EIF4G3: variants seen among roughly 807,000 people sequenced by gnomAD.
EIF4G3 encodes the protein eukaryotic translation initiation factor 4 gamma 3.
In EIF4G3, 34 loss-of-function variants were observed where a neutral mutation model predicts 186.4. The observed-to-expected ratio is 0.18, with a 90% CI of 0.14 to 0.24. The LOEUF (loss-of-function observed/expected upper bound fraction) is 0.24, where lower values mean the gene tolerates loss of function less well. EIF4G3 is among the 10% of genes least tolerant of loss of function. The probability of loss-of-function intolerance (pLI) is 1.00; values close to 1 mark genes in which losing one functional copy is unlikely to be tolerated. For synonymous variants in EIF4G3, 673 were observed against 679.5 expected, an observed-to-expected ratio of 0.99 and a Z score of 0.15; for missense variants, 1,536 against 1,948.5, an observed-to-expected ratio of 0.79 and a Z score of 3.99.
At chr1:21,006,803 T>TG (rs1213215806) in intron 4 of EIF4G3, among the ~76,000 whole-genome samples, 16 of 152,230 alleles carry the variant, frequency 1.1e-4, no homozygotes, top group African/African-American at 3.9e-4. Flanking sequence ...CCAGATGTGA[T>TG]GGTTTTCAAA....
chr1:21,134,874 GTTTT>G (rs34553393), intron 2 of EIF4G3, among the ~76,000 whole-genome samples: 1 of 149,766 alleles, frequency 6.7e-6, no homozygotes, highest in African/African-American at 2.5e-5. Flanking sequence ...ACTATGCAGT[GTTTT>G]TTTTTTGTTT....
intron 13 of EIF4G3, among the ~76,000 whole-genome samples, chr1:20,943,968 TTTTTTTTGTG>T (rs1479781101): frequency 6.7e-4 from 8 of 11,948 alleles, no homozygotes; most frequent in East Asian, 9.9e-4. Flanking sequence ...CTTGTCTTTA[TTTTTTTTGTG>T]TGTGTGTGTG....
intron 24 of EIF4G3, among the ~76,000 whole-genome samples, chr1:20,858,640 AAG>A (rs753787153): frequency 8.5e-5 from 13 of 152,230 alleles, no homozygotes; most frequent in Admixed American, 5.2e-4. Flanking sequence ...CCTCTACCAT[AAG>A]ATGTAAGCCG....
chr1:21,121,216 C>G (rs1483695865), intron 2 of EIF4G3, among the ~76,000 whole-genome samples: 1 of 152,058 alleles, frequency 6.6e-6, no homozygotes, highest in African/African-American at 2.4e-5. Flanking sequence ...TCTTAACAAC[C>G]CTGGCACCTA....
rs71014146 is a variant in EIF4G3, at chr1:21,017,627, CAAAAAAAA to C, written c.-66-14827_-66-14820del. On this transcript the variant is annotated intron_variant, in intron 4 of 36. Transcript: ENST00000602326. ...TGGATGACAGAGCAAGACTCCGTCT[CAAAAAAAA>C]AAAAAAAAAAAAAAAAAAAGAAGTT... Among the ~76,000 whole-genome samples the C allele has an allele frequency of 6.1e-4, 30 of 49,230 alleles. No individual in the cohort carries two copies. The South Asian group carries it at 6.1e-3, about 10-fold the overall frequency. 32.3% of individuals were successfully genotyped at this position (49,230 alleles called of 152,430 possible).
At chr1:21,071,141 G>A (rs919434069) in intron 3 of EIF4G3, among the ~76,000 whole-genome samples, 5 of 152,136 alleles carry the variant, frequency 3.3e-5, no homozygotes, top group Admixed American at 2.0e-4. Context: ...GGCATGGCTC[G>A]TGCCTGTAAT....
At chr1:20,980,018 G>A (rs867177940) in intron 10 of EIF4G3, among the ~76,000 whole-genome samples, 1 of 152,076 alleles carries the variant, frequency 6.6e-6, no homozygotes, top group Non-Finnish European at 1.5e-5. Flanking sequence ...GATTACAGGC[G>A]TGAGCCACCG....
At chr1:21,160,989 G>A (rs1433684226) in intron 2 of EIF4G3, among the ~76,000 whole-genome samples, 1 of 152,044 alleles carries the variant, frequency 6.6e-6, no homozygotes, top group Non-Finnish European at 1.5e-5. Flanking sequence ...TGACCAACAT[G>A]GTGAAACCCC....
At position 20,849,444 on chromosome 1, in the gene EIF4G3, C is replaced by T; in HGVS notation, c.3859G>A (p.Asp1287Asn). The T allele has an allele frequency of 3.2e-6, 5 of 1,549,046 alleles. No homozygotes were observed. Among genetic ancestry groups the T allele is most frequent in the Non-Finnish European group, 4.4e-6 (5 of 1,149,344 alleles). The change falls in exon 29 of 37, where the codon GAT becomes AAT. Residue 1287 changes from aspartate to asparagine, a missense_variant. By Grantham distance (23) the Asp-to-Asn change is conservative. This residue lies in a region of EIF4G3 where 395 missense variants were observed against 498.9 expected (regional missense o/e 0.79). Transcript: ENST00000602326. ...ELERKSKSII[D>N]EFLHINDFKE... ...AAATCATTAATGTGTAGAAATTCAT[C>T]AATGATAGATTTCGACTTCCTCTCC...
At position 20,851,282 on chromosome 1, in the gene EIF4G3, C is replaced by T; in HGVS notation, c.3748G>A (p.Glu1250Lys). Residue 1250 changes from glutamate to lysine, a missense_variant, in exon 28 of 37, where the codon GAG (glutamate) becomes AAG (lysine). By Grantham distance (56) the Glu-to-Lys change is moderately conservative (BLOSUM62 1). Around this residue, in one of 11 missense-constraint regions of EIF4G3, gnomAD observed 395 missense variants for 498.9 expected, o/e 0.79. Transcript: ENST00000602326. ...CCTGACTCCCTTGTTTTATTTCGCT[C>T]AGCCTCAGTGCTGTTCCTCTCCACA... is the stretch of plus-strand genomic sequence containing the variant. ...VDVERNSTEA[E>K]RNKTRESAKP... The T allele has an allele frequency of 1.2e-6, 2 of 1,614,176 alleles. No individual in the cohort carries two copies. Among genetic ancestry groups the T allele is most frequent in the Non-Finnish European group, 1.7e-6 (2 of 1,180,032 alleles).
At chr1:21,106,823 G>T (rs1416262320) in intron 2 of EIF4G3, among the ~76,000 whole-genome samples, 1 of 152,146 alleles carries the variant, frequency 6.6e-6, no homozygotes, top group Non-Finnish European at 1.5e-5. Flanking sequence ...GGCCACTGAG[G>T]TTGGAGGAAA....
rs761196645 is a variant in EIF4G3 at position 20,895,439 on chromosome 1, A to G, written c.2062T>C (p.Phe688Leu). ...KQYDREFLLD[F>L]QFMPACIQKP... ...TGTATACAGGCAGGCATGAACTGGA[A>G]GTCCAGCAGAAACTCCCTGTCATAC... Residue 688 changes from phenylalanine (F) to leucine (L), a missense_variant, in exon 17 of 37, where the codon TTC becomes CTC. Coordinates refer to ENST00000602326, the MANE Select transcript of EIF4G3 (RefSeq NM_001391906.1). 1 of 1,614,108 alleles carries G rather than the reference A, an allele frequency of 6.2e-7. No individual in the cohort carries two copies. The highest frequency in any genetic ancestry group is 1.1e-5 in the South Asian group (1 of 91,074).
At chr1:21,170,584 T>C (rs1440284650) in intron 2 of EIF4G3, among the ~76,000 whole-genome samples, 3 of 151,916 alleles carry the variant, frequency 2.0e-5, no homozygotes, top group Non-Finnish European at 4.4e-5. Context: ...GGCAGGAGAA[T>C]CACTTGAACC....
At position 20,807,418 on chromosome 1, in the gene EIF4G3, C is replaced by G. The variant is rs775631377; in HGVS notation, c.4827G>C (p.Lys1609Asn). 6.2e-7 allele frequency: 1 copy of G among 1,612,910 alleles called. No individual in the cohort carries two copies. The highest frequency in any genetic ancestry group is 1.1e-5 in the South Asian group (1 of 90,924). ...CCTTCCCATTCTGCTCTGCAGGGTC[C>G]TTGCTGCTCTCCCATTTGTAGAAGG... The part of the protein sequence containing the change: ...EDAFYKWESS[K>N]DPAEQNGKGV... Residue 1609 changes from lysine to asparagine, a missense_variant, in exon 37 of 37, where the codon AAG becomes AAC. Transcript: ENST00000602326.
chr1:21,084,967 T>G (rs1050573728), intron 3 of EIF4G3, among the ~76,000 whole-genome samples: 1 of 134,400 alleles, frequency 7.4e-6, no homozygotes, highest in Non-Finnish European at 1.7e-5. Context: ...GACCACTGCA[T>G]GACACACAGT....
At chr1:21,072,417 A>C (rs1032723222) in intron 3 of EIF4G3, among the ~76,000 whole-genome samples, 1 of 151,994 alleles carries the variant, frequency 6.6e-6, no homozygotes, top group Non-Finnish European at 1.5e-5. Flanking sequence ...TTATTTATTT[A>C]TTTTGAGATG....
intron 2 of EIF4G3, among the ~76,000 whole-genome samples, chr1:21,159,980 C>T (rs2097733316): frequency 1.3e-5 from 2 of 152,148 alleles, no homozygotes; most frequent in African/African-American, 2.4e-5. Flanking sequence ...ATGGCAGGTG[C>T]CTGTAATCCC....
intron 3 of EIF4G3, among the ~76,000 whole-genome samples, chr1:21,074,578 T>C (rs2095531939): frequency 6.6e-6 from 1 of 152,112 alleles, no homozygotes; most frequent in Non-Finnish European, 1.5e-5. Context: ...ACCAAATCCT[T>C]TCTGTCTTAA....
At position 20,806,649 on chromosome 1, in the gene EIF4G3, G is replaced by C. The variant is rs2058160504; in HGVS notation, c.*670C>G. The C allele has an allele frequency of 6.6e-6, 1 of 150,578 alleles. No individual in the cohort carries two copies. Among genetic ancestry groups the C allele is most frequent in the African/African-American group, 2.5e-5 (1 of 40,440 alleles). 9.3% of individuals were successfully genotyped at this position (150,578 alleles called of 1,614,324 possible). A position where few individuals can be genotyped will look rare whatever the true frequency, so the allele number is the denominator to read the frequency against. ...TATTAAGAGTACTTTTCTCAGGGTA[G>C]CACTTTTTTTTTTTTAAACAATTCT... On this transcript the variant is annotated 3_prime_UTR_variant, in exon 37 of 37. Coordinates refer to ENST00000602326, the MANE Select transcript of EIF4G3 (RefSeq NM_001391906.1).
Sources: allele counts gnomAD v4.1 joint callset (sites outside exome capture counted in the v4.1 genomes callset), GRCh38; gene constraint gnomAD v4.1.1; regional missense constraint gnomAD v4.1.1; transcripts MANE v1.5; gene names NCBI Gene and HGNC (gene_info 2026-07-23, HGNC 2026-07-21).